AGBL1: variants seen among roughly 807,000 people sequenced by gnomAD.
AGBL1 encodes the protein AGBL carboxypeptidase 1.
A neutral mutation model predicts 118.9 loss-of-function variants in AGBL1; 130 were observed. The observed-to-expected ratio is 1.09, with a 90% CI of 0.95 to 1.26. The LOEUF is 1.26. Among genes scored for constraint, AGBL1 ranks in the 50% most tolerant of loss-of-function variants. AGBL1 has a pLI of 0.00. For missense variants in AGBL1, 1,584 were observed against 1,298.1 expected, an observed-to-expected ratio of 1.22 and a Z score of -3.38; for synonymous variants, 555 against 478.9, an observed-to-expected ratio of 1.16 and a Z score of -2.08.
At chr15:86,535,111 G>T (rs1293847500) in intron 19 of AGBL1, among the ~76,000 whole-genome samples, 2 of 152,200 alleles carry the variant, frequency 1.3e-5, no homozygotes, top group Non-Finnish European at 2.9e-5. Context: ...CTTAAATGAA[G>T]CTGACTAGCA....
chr15:86,635,585 T>C (rs1315399413), intron 21 of AGBL1, among the ~76,000 whole-genome samples: 1 of 151,524 alleles, frequency 6.6e-6, no homozygotes, highest in Non-Finnish European at 1.5e-5. Flanking sequence ...TATTTGAGAG[T>C]TGTCTTGTGT....
chr15:86,575,699 C>T (rs2084081740), intron 21 of AGBL1, among the ~76,000 whole-genome samples: 1 of 151,940 alleles, frequency 6.6e-6, no homozygotes, highest in Non-Finnish European at 1.5e-5. Flanking sequence ...AAGTGATCCT[C>T]CTGCCTCAGC....
intron 5 of AGBL1, among the ~76,000 whole-genome samples, chr15:86,180,871 T>A (rs1463172528): frequency 6.6e-6 from 1 of 152,100 alleles, no homozygotes; most frequent in Non-Finnish European, 1.5e-5. Flanking sequence ...TTTGAACAGA[T>A]ATGTCACTAG....
chr15:86,883,723 C>A (rs73447118), intron 22 of AGBL1, among the ~76,000 whole-genome samples: 11,505 of 152,136 alleles, frequency 0.076, 487 homozygotes, highest in African/African-American at 0.089. Context: ...GCTTTTCTTT[C>A]CTTCTTCCAT....
At chr15:86,923,825 C>A (rs1002272796) in intron 23 of AGBL1, among the ~76,000 whole-genome samples, 2 of 152,090 alleles carry the variant, frequency 1.3e-5, no homozygotes, top group African/African-American at 4.8e-5. Context: ...TGAGGATTAA[C>A]AAAGTTTAAA....
intron 21 of AGBL1, among the ~76,000 whole-genome samples, chr15:86,631,767 G>C (rs747421198): frequency 6.6e-6 from 1 of 152,172 alleles, no homozygotes; most frequent in Non-Finnish European, 1.5e-5. Context: ...CCAACCCCAG[G>C]TCCTGAATCT....
At chr15:86,679,915 A>T (rs1455538997) in intron 22 of AGBL1, among the ~76,000 whole-genome samples, 1 of 152,214 alleles carries the variant, frequency 6.6e-6, no homozygotes, top group East Asian at 1.9e-4. Flanking sequence ...ATTTTAATGT[A>T]GAGATTGATA....
At chr15:86,171,731 A>C (rs965177468) in intron 5 of AGBL1, among the ~76,000 whole-genome samples, 1 of 152,202 alleles carries the variant, frequency 6.6e-6, no homozygotes, top group Non-Finnish European at 1.5e-5. Context: ...TAAACAAGTT[A>C]CTCAATTCTG....
rs140428423 is a variant in AGBL1, at chr15:86,699,102, T to G, written c.3158+24666T>G. 2.6e-5 allele frequency among the ~76,000 whole-genome samples: 4 copies of G among 152,116 alleles called. 1 individual carries two copies. The South Asian group carries it at 8.3e-4, about 32-fold the overall frequency. ...TCTCAGGTAACATGCCTTTCATATT[T>G]TTTTTAGTGTTTTAATGTTAACCTT... On this transcript the variant is annotated intron_variant, in intron 22 of 22. Coordinates refer to ENST00000614907, the MANE Select transcript of AGBL1 (RefSeq NM_001386094.1).
At chr15:86,539,290 G>C (rs1370412608) in intron 19 of AGBL1, among the ~76,000 whole-genome samples, 1 of 152,218 alleles carries the variant, frequency 6.6e-6, no homozygotes, top group Admixed American at 6.5e-5. Context: ...AAATCAAGGA[G>C]TTATTCCTAA....
At chr15:86,190,190 G>A (rs1021170089) in intron 5 of AGBL1, among the ~76,000 whole-genome samples, 3 of 151,912 alleles carry the variant, frequency 2.0e-5, no homozygotes, top group African/African-American at 7.3e-5. Flanking sequence ...TATTAATATA[G>A]CATGATGAAT....
intron 23 of AGBL1, among the ~76,000 whole-genome samples, chr15:86,939,359 GA>G (rs1308604824): frequency 6.6e-6 from 1 of 152,156 alleles, no homozygotes; most frequent in African/African-American, 2.4e-5. Flanking sequence ...TCCTGCCCTT[GA>G]ACATCAGACT....
intron 5 of AGBL1, among the ~76,000 whole-genome samples, chr15:86,187,267 G>A (rs1434838163): frequency 6.6e-6 from 1 of 152,166 alleles, no homozygotes; most frequent in Admixed American, 6.5e-5. Context: ...TAAAGCGGAA[G>A]ATCCCTGCTT....
chr15:86,431,349 G>T (rs951095116), intron 18 of AGBL1, among the ~76,000 whole-genome samples: 4 of 152,222 alleles, frequency 2.6e-5, no homozygotes, highest in African/African-American at 9.7e-5. Context: ...GAAGTATTTA[G>T]TAGGGTAATC....
chr15:86,543,561 G>A (rs542606554), intron 19 of AGBL1, among the ~76,000 whole-genome samples: 2 of 152,330 alleles, frequency 1.3e-5, no homozygotes, highest in Admixed American at 6.5e-5. Context: ...AACTGGAGAA[G>A]TTAGAGGCTT....
At chr15:86,332,420 G>A (rs979243065) in intron 17 of AGBL1, among the ~76,000 whole-genome samples, 1 of 152,110 alleles carries the variant, frequency 6.6e-6, no homozygotes, top group Admixed American at 6.5e-5. Flanking sequence ...GCTGAGGTGG[G>A]CGGATCACGA....
At chr15:86,507,949 G>T (rs2082999165) in intron 18 of AGBL1, among the ~76,000 whole-genome samples, 1 of 151,696 alleles carries the variant, frequency 6.6e-6, no homozygotes, top group Admixed American at 6.6e-5. Context: ...TGAAAATAGA[G>T]AGAGGGTAGT....
intron 22 of AGBL1, among the ~76,000 whole-genome samples, chr15:86,801,807 T>G (rs1291826605): frequency 6.6e-6 from 1 of 152,050 alleles, no homozygotes; most frequent in African/African-American, 2.4e-5. Flanking sequence ...AAGCAAGTAC[T>G]AGTAAATAGA....
chr15:86,924,846 A>G (rs2080514572), intron 23 of AGBL1, among the ~76,000 whole-genome samples: 2 of 152,008 alleles, frequency 1.3e-5, no homozygotes, highest in Admixed American at 6.6e-5. Context: ...GAGGCTGAGG[A>G]GGGTGGATCA....
Sources: gnomAD v4.1 joint callset for allele counts (sites outside exome capture counted in the v4.1 genomes callset) on GRCh38, gnomAD v4.1.1 for gene constraint, MANE v1.5 for transcripts, NCBI Gene and HGNC (gene_info 2026-07-23, HGNC 2026-07-21) for gene names.